The following ENTREP2 variants were observed in gnomAD, a reference collection of about 807,000 sequenced individuals.
ENTREP2 encodes protein ENTREP2.
the ENTREP2 span, chr15:29,126,360 C>G: frequency 1.3e-6 from 2 of 1,542,084 alleles, no homozygotes; most frequent in Non-Finnish European, 1.7e-6. Context: ...CCAGGATCCT[C>G]TGGAGACACA....
chr15:29,440,949 A>T, the ENTREP2 span, among the ~76,000 whole-genome samples: 2 of 152,200 alleles, frequency 1.3e-5, no homozygotes, highest in Non-Finnish European at 2.9e-5. Flanking sequence ...TGACCATATG[A>T]TCCAGCAATT....
the ENTREP2 span, among the ~76,000 whole-genome samples, chr15:29,277,566 G>T: frequency 1.3e-5 from 2 of 152,174 alleles, no homozygotes; most frequent in African/African-American, 4.8e-5. Context: ...ACATCCCTAT[G>T]AGAATCTAAT....
the ENTREP2 span, among the ~76,000 whole-genome samples, chr15:29,157,874 CAT>C: frequency 1.3e-5 from 2 of 152,042 alleles, no homozygotes; most frequent in Non-Finnish European, 2.9e-5. Flanking sequence ...GGATTACAGG[CAT>C]ACGCCACCAC....
At chr15:29,641,164 G>C in the ENTREP2 span, among the ~76,000 whole-genome samples, 2 of 152,138 alleles carry the variant, frequency 1.3e-5, no homozygotes, top group Non-Finnish European at 2.9e-5. Flanking sequence ...ACTAGCAATA[G>C]AAGTTCCTAA....
the ENTREP2 span, among the ~76,000 whole-genome samples, chr15:29,592,377 T>C: frequency 6.6e-6 from 1 of 152,180 alleles, no homozygotes; most frequent in East Asian, 1.9e-4. Context: ...AAGAAACGTA[T>C]TGGCTCATGG....
At chr15:29,654,202 T>A in the ENTREP2 span, among the ~76,000 whole-genome samples, 3 of 152,248 alleles carry the variant, frequency 2.0e-5, no homozygotes, top group Admixed American at 2.0e-4. Flanking sequence ...TACTTAAATT[T>A]TTGTAATTGT....
At chr15:29,367,411 A>G in the ENTREP2 span, among the ~76,000 whole-genome samples, 2 of 152,320 alleles carry the variant, frequency 1.3e-5, no homozygotes, top group East Asian at 3.9e-4. Flanking sequence ...CAGTGTGAAC[A>G]GTCTTTTCCC....
the ENTREP2 span, chr15:29,136,998 G>T: frequency 7.1e-7 from 1 of 1,398,700 alleles, no homozygotes; most frequent in South Asian, 1.7e-5. Context: ...GCCCATCTTA[G>T]TGGTTTCGAG....
chr15:29,594,759 T>A, the ENTREP2 span, among the ~76,000 whole-genome samples: 1 of 152,048 alleles, frequency 6.6e-6, no homozygotes, highest in African/African-American at 2.4e-5. Flanking sequence ...GGTCAGGAAT[T>A]CGAGACAAGC....
the ENTREP2 span, among the ~76,000 whole-genome samples, chr15:29,180,391 C>G: frequency 6.6e-6 from 1 of 152,298 alleles, no homozygotes; most frequent in African/African-American, 2.4e-5. Flanking sequence ...GTAGGCCAGG[C>G]GCACTGGCTC....
the ENTREP2 span, among the ~76,000 whole-genome samples, chr15:29,165,162 A>G: frequency 1.3e-5 from 2 of 152,138 alleles, no homozygotes; most frequent in Non-Finnish European, 2.9e-5. Context: ...CCTCTGGGAT[A>G]TAAGCAGAGG....
chr15:29,250,091 G>C, the ENTREP2 span, among the ~76,000 whole-genome samples: 2 of 152,138 alleles, frequency 1.3e-5, no homozygotes, highest in East Asian at 1.9e-4. Context: ...CTGAACATGA[G>C]ATTTGGGCAG....
the ENTREP2 span, among the ~76,000 whole-genome samples, chr15:29,344,017 T>C: frequency 6.6e-6 from 1 of 152,212 alleles, no homozygotes; most frequent in Non-Finnish European, 1.5e-5. Context: ...CTATATACCA[T>C]ATTTAAATCC....
At chr15:29,125,389 G>C in the ENTREP2 span, among the ~76,000 whole-genome samples, 3 of 152,198 alleles carry the variant, frequency 2.0e-5, no homozygotes, top group Admixed American at 6.5e-5. Flanking sequence ...ACCGCAGCCA[G>C]GGAGTCCACA....
chr15:29,224,271 C>G, the ENTREP2 span, among the ~76,000 whole-genome samples: 1 of 152,122 alleles, frequency 6.6e-6, no homozygotes, highest in South Asian at 2.1e-4. Context: ...AGGAGTGAAG[C>G]TGCAGACCTT....
At chr15:29,135,090 T>C in the ENTREP2 span, among the ~76,000 whole-genome samples, 1 of 151,938 alleles carries the variant, frequency 6.6e-6, no homozygotes, top group African/African-American at 2.4e-5. The surrounding 1 kb of genome is among the most constrained non-coding windows in gnomAD (Gnocchi z 7.4). Flanking sequence ...GCTTGTTGCT[T>C]GGGCTCAGAA....
chr15:29,249,137 T>G, the ENTREP2 span, among the ~76,000 whole-genome samples: 3 of 152,112 alleles, frequency 2.0e-5, no homozygotes, highest in African/African-American at 7.2e-5. Flanking sequence ...AGTGAAACCT[T>G]GTCTCTACTA....
the ENTREP2 span, among the ~76,000 whole-genome samples, chr15:29,202,656 C>T: frequency 6.6e-6 from 1 of 152,068 alleles, no homozygotes; most frequent in South Asian, 2.1e-4. Context: ...CCCTGACAGG[C>T]CCTGGTATGT....
chr15:29,499,626 T>C, the ENTREP2 span, among the ~76,000 whole-genome samples: 1 of 152,050 alleles, frequency 6.6e-6, no homozygotes, highest in Non-Finnish European at 1.5e-5. Context: ...TCCTCTTGCT[T>C]TGTCCTCTCA....
Sources: gnomAD v4.1 joint callset for allele counts (sites outside exome capture counted in the v4.1 genomes callset) on GRCh38, gnomAD v4.1.1 for gene constraint, Gnocchi (gnomAD v3.1) non-coding constraint, MANE v1.5 for transcripts, NCBI Gene and HGNC (gene_info 2026-07-23, HGNC 2026-07-21) for gene names.